PAPOLG: variants seen among roughly 807,000 people sequenced by gnomAD.
PAPOLG encodes poly(A) polymerase gamma.
A neutral mutation model predicts 99.0 loss-of-function variants in PAPOLG; 40 were observed. The ratio of observed to expected loss-of-function variants is 0.40; its 90% CI spans 0.31 to 0.53. PAPOLG has a LOEUF of 0.53. Ranked by LOEUF, PAPOLG falls within the 20% of genes least tolerant of loss-of-function variation. The pLI, the probability that PAPOLG is intolerant of heterozygous loss-of-function variation, is 0.41. For missense variants in PAPOLG, 675 were observed against 884.1 expected, an observed-to-expected ratio of 0.76 and a Z score of 3.00; for synonymous variants, 310 against 299.3, an observed-to-expected ratio of 1.04 and a Z score of -0.37.
At chr2:60,761,669 C>T in intron 2 of PAPOLG, 72 bp from the exon 3 acceptor site, 3 of 1,320,474 alleles carry the variant, frequency 2.3e-6, no homozygotes, top group Non-Finnish European at 3.3e-6. Flanking sequence ...AGGGTACTGC[C>T]TATATGGGTT....
At chr2:60,780,476 A>T (rs1236817768) in intron 9 of PAPOLG, among the ~76,000 whole-genome samples, 1 of 152,100 alleles carries the variant, frequency 6.6e-6, no homozygotes, top group Non-Finnish European at 1.5e-5. Flanking sequence ...GGATTTCTCC[A>T]TGTTGCCCAG....
chr2:60,795,135 C>G lies in PAPOLG; in HGVS notation c.2112+115C>G. 4.5e-6 allele frequency: 4 copies of G among 895,546 alleles called. No homozygotes were observed. The African/African-American group carries it at 6.7e-5, about 15-fold the overall frequency. 55.5% of individuals were successfully genotyped at this position (895,546 alleles called of 1,614,324 possible). ...ACTGGGAAAAAGTAAGATTTTGTCC[C>G]TGTCCCCAAGGACTAGCAGTGTAGT... On this transcript the variant is annotated intron_variant, in intron 21 of 21. Coordinates refer to ENST00000238714, the MANE Select transcript of PAPOLG (RefSeq NM_022894.4).
intron 17 of PAPOLG, among the ~76,000 whole-genome samples, chr2:60,793,136 T>C (rs1376111507): frequency 6.7e-6 from 1 of 149,272 alleles, no homozygotes; most frequent in African/African-American, 2.5e-5. Flanking sequence ...GCCCGGAAGG[T>C]TGAGGCTGCA....
intron 6 of PAPOLG, 62 bp downstream of exon 6, chr2:60,770,573 C>A: frequency 9.2e-7 from 1 of 1,090,838 alleles, no homozygotes; most frequent in Non-Finnish European, 1.3e-6. Context: ...AGTTTGTTTT[C>A]TGAAATCAGG....
intron 8 of PAPOLG, among the ~76,000 whole-genome samples, chr2:60,778,570 AC>A (rs1342132995): frequency 6.6e-6 from 1 of 151,998 alleles, no homozygotes; most frequent in Non-Finnish European, 1.5e-5. Flanking sequence ...ATACTAAAAA[AC>A]CATTGAATTG....
intron 5 of PAPOLG, among the ~76,000 whole-genome samples, chr2:60,769,551 G>A (rs1182894476): frequency 1.3e-5 from 2 of 152,148 alleles, no homozygotes; most frequent in Non-Finnish European, 2.9e-5. Context: ...TTAAGAATTT[G>A]TTAGGTTGGG....
In PAPOLG at chr2:60,781,818, T is replaced by G. The variant is rs916669026; in HGVS notation, c.907-67T>G. 197 of 1,595,598 alleles carry G rather than the reference T, an allele frequency of 1.2e-4. 1 individual carries two copies. Among genetic ancestry groups the G allele is most frequent in the Non-Finnish European group, 1.8e-5 (21 of 1,167,520 alleles). On this transcript the variant is annotated intron_variant, in intron 10 of 21. Coordinates refer to ENST00000238714, the MANE Select transcript of PAPOLG (RefSeq NM_022894.4). ...TTATATTTCATATTCTTCAGACTTT[T>G]GGGGAAATGAAGTGAGAACAACTGA...
Position 60,782,683 on chromosome 2 carries a change from T to TTTTTTTTTTTTTTTTC in PAPOLG, c.1028-3_1028-2insTTTTTTTTTTTTTTTC. On this transcript the variant is annotated splice_polypyrimidine_tract_variant and splice_region_variant and intron_variant, in intron 11 of 21. Transcript: ENST00000238714. ...TTTTTTTTTTTTTTTTTTTTTAATT[T>TTTTTTTTTTTTTTTTC]AGGTCTTGCAGTCACAGATGAAATT... The TTTTTTTTTTTTTTTTC allele has an allele frequency of 6.6e-7, 1 of 1,504,494 alleles. No homozygotes were observed. The highest frequency in any genetic ancestry group is 1.3e-5 in the South Asian group (1 of 75,852). 93.2% of individuals were successfully genotyped at this position (1,504,494 alleles called of 1,614,324 possible).
At chr2:60,777,773 G>A (rs1441150430) in intron 8 of PAPOLG, among the ~76,000 whole-genome samples, 2 of 152,158 alleles carry the variant, frequency 1.3e-5, no homozygotes, top group African/African-American at 4.8e-5. Context: ...TCCAGGAGTA[G>A]GGAGACCTGA....
chr2:60,768,167 A>G (rs768088662), intron 3 of PAPOLG, among the ~76,000 whole-genome samples: 1 of 152,148 alleles, frequency 6.6e-6, no homozygotes, highest in African/African-American at 2.4e-5. Flanking sequence ...CAATGGCACA[A>G]TCTCGGCCGC....
At chr2:60,758,724 CGG>C (rs1670433454) in intron 1 of PAPOLG, among the ~76,000 whole-genome samples, 1 of 152,046 alleles carries the variant, frequency 6.6e-6, no homozygotes, top group Non-Finnish European at 1.5e-5. Context: ...GCACCACGCC[CGG>C]CCTCTAATGA....
intron 7 of PAPOLG, among the ~76,000 whole-genome samples, chr2:60,773,701 G>GAAAA (rs35118727): frequency 1.4e-5 from 2 of 145,756 alleles, no homozygotes. Context: ...TATAAAATGT[G>GAAAA]AAAAAAAAAA....
intron 6 of PAPOLG, among the ~76,000 whole-genome samples, chr2:60,771,065 A>G (rs1030491503): frequency 6.6e-6 from 1 of 152,042 alleles, no homozygotes; most frequent in Non-Finnish European, 1.5e-5. Flanking sequence ...GTCTGTTACC[A>G]CTTGTCCATC....
intron 14 of PAPOLG, 57 bp downstream of exon 14, chr2:60,787,123 A>G (rs1671387032): frequency 2.9e-6 from 4 of 1,377,216 alleles, no homozygotes; most frequent in Non-Finnish European, 3.0e-6. Flanking sequence ...TGGTATATGC[A>G]TCATTTCAGA....
At chr2:60,791,922 A>C in intron 16 of PAPOLG, 40 bp downstream of exon 16, 1 of 1,591,044 alleles carries the variant, frequency 6.3e-7, no homozygotes. Context: ...GGTTTTACTC[A>C]GACAAATGAT....
chr2:60,779,656 C>T lies in PAPOLG; in HGVS notation c.714C>T (p.Asn238=). ...TTCTAGGACGTGGTATTTATTCCAA[C>T]ATGCTAGGATTCCTTGGTGGTGTCT... is the stretch of plus-strand genomic sequence containing the variant. ...LWAKRRGIYS[N]MLGFLGGVSW... The change falls in exon 9 of 22, where the codon AAC becomes AAT. Residue 238 remains asparagine (N), a synonymous_variant. Coordinates refer to ENST00000238714, the MANE Select transcript of PAPOLG (RefSeq NM_022894.4). The T allele has an allele frequency of 1.2e-6, 2 of 1,611,554 alleles. No homozygotes were observed. The highest frequency in any genetic ancestry group is 1.7e-6 in the Non-Finnish European group (2 of 1,178,334).
At chr2:60,777,457 A>G (rs1481936139) in intron 8 of PAPOLG, among the ~76,000 whole-genome samples, 1 of 152,144 alleles carries the variant, frequency 6.6e-6, no homozygotes, top group Admixed American at 6.5e-5. Context: ...CTCCGTCTCA[A>G]AAAAAAATTT....
chr2:60,786,630 G>A (rs1326925975), intron 13 of PAPOLG, among the ~76,000 whole-genome samples: 2 of 152,068 alleles, frequency 1.3e-5, no homozygotes, highest in East Asian at 1.9e-4. Context: ...CCAGTTTCAC[G>A]TGATTCTCCT....
Position 60,797,309 on chromosome 2 carries a change from G to A in PAPOLG, c.*149G>A. The A allele has an allele frequency of 1.1e-6, 1 of 935,504 alleles. No individual in the cohort carries two copies. The highest frequency in any genetic ancestry group is 1.6e-6 in the Non-Finnish European group (1 of 624,348). 58.0% of individuals were successfully genotyped at this position (935,504 alleles called of 1,614,324 possible). On this transcript the variant is annotated 3_prime_UTR_variant, in exon 22 of 22. Transcript: ENST00000238714. ...ATAACCTTGAAGTGGTTTTTGAACTGTCAAACTTTGACCTGTAGATGCTGT... is the reference window on the plus strand; with the variant it reads ...ATAACCTTGAAGTGGTTTTTGAACTATCAAACTTTGACCTGTAGATGCTGT...
Sources: gnomAD v4.1 joint callset for allele counts (sites outside exome capture counted in the v4.1 genomes callset) on GRCh38, gnomAD v4.1.1 for gene constraint, MANE v1.5 for transcripts, NCBI Gene and HGNC (gene_info 2026-07-23, HGNC 2026-07-21) for gene names.